Variants in WNT3 observed in about 807,000 individuals in gnomAD.
WNT3 encodes the protein proto-oncogene Wnt-3.
Under a neutral mutation model 34.2 loss-of-function variants are expected in WNT3, and 7 were observed. The observed-to-expected ratio is 0.20, with a 90% confidence interval of 0.12 to 0.38. The LOEUF (loss-of-function observed/expected upper bound fraction) is 0.38. WNT3 is among the 10% of genes least tolerant of loss of function. The pLI is 1.00. For synonymous variants in WNT3, 212 were observed against 211.5 expected, an observed-to-expected ratio of 1.00 and a Z score of -0.02; for missense variants, 267 against 499.8, an observed-to-expected ratio of 0.53 and a Z score of 4.44.
intron 1 of WNT3, among the ~76,000 whole-genome samples, chr17:46,790,825 A>G (rs1188487407): frequency 6.6e-6 from 1 of 152,232 alleles, no homozygotes; most frequent in East Asian, 1.9e-4. Context: ...GAGGCCGGCT[A>G]CTGCGCTCGC....
At position 46,768,068 on chromosome 17, in the gene WNT3, G is replaced by A. The variant is rs1005137795; in HGVS notation, c.*8+244C>T. ...CTCCCAAAGTGCTGGGATTACAGGCGTGAGCCACCGCACCCGGCCAACACT... is the reference window on the plus strand; with the variant it reads ...CTCCCAAAGTGCTGGGATTACAGGCATGAGCCACCGCACCCGGCCAACACT... On this transcript the variant is annotated intron_variant, in intron 4 of 4. Transcript: ENST00000225512. The surrounding 1 kb of genome is among the most constrained non-coding windows in gnomAD (Gnocchi z 5.0). Among the ~76,000 whole-genome samples, 5 of 152,196 alleles carry A rather than the reference G, an allele frequency of 3.3e-5. No individual in the cohort carries two copies. Among genetic ancestry groups the A allele is most frequent in the African/African-American group, 7.2e-5 (3 of 41,462 alleles).
intron 1 of WNT3, among the ~76,000 whole-genome samples, chr17:46,780,912 C>T (rs114117782): frequency 0.011 from 1,691 of 152,146 alleles, 45 homozygotes; most frequent in African/African-American, 0.035. Flanking sequence ...AACAGGTGGC[C>T]CATACATACA....
At chr17:46,817,021 G>A (rs1164687872) in intron 1 of WNT3, among the ~76,000 whole-genome samples, 3 of 152,128 alleles carry the variant, frequency 2.0e-5, no homozygotes, top group Admixed American at 1.3e-4. Flanking sequence ...CCAGCCCCCC[G>A]GAAAAGTGTG....
intron 2 of WNT3, among the ~76,000 whole-genome samples, chr17:46,770,624 C>G (rs1475659291): frequency 2.0e-5 from 3 of 152,200 alleles, no homozygotes; most frequent in Admixed American, 2.0e-4. Context: ...GCTCCTAGAG[C>G]CCCTCACCAG....
chr17:46,770,077 T>A (rs1209828965), intron 2 of WNT3, 29 bp from the exon 3 acceptor site: 2 of 1,520,648 alleles, frequency 1.3e-6, no homozygotes, highest in South Asian at 2.5e-5. Context: ...GAGGCAGCAC[T>A]CAGGACCCGG....
chr17:46,784,486 C>T (rs761095495), intron 1 of WNT3, among the ~76,000 whole-genome samples: 2 of 151,810 alleles, frequency 1.3e-5, no homozygotes, highest in Admixed American at 6.6e-5. Flanking sequence ...CTGAGCGTCA[C>T]GGTGGGAGCA....
chr17:46,793,355 C>G (rs931532992), intron 1 of WNT3, among the ~76,000 whole-genome samples: 1 of 147,950 alleles, frequency 6.8e-6, no homozygotes, highest in Non-Finnish European at 1.5e-5. Flanking sequence ...TCATGGAAGG[C>G]TAAGGAGAAA....
chr17:46,766,770 A>C (rs1419108681), intron 4 of WNT3, among the ~76,000 whole-genome samples: 1 of 152,120 alleles, frequency 6.6e-6, no homozygotes, highest in African/African-American at 2.4e-5. Context: ...CCAGTAGCTC[A>C]GAGGTGCCCT....
At chr17:46,805,595 A>T (rs1303183284) in intron 1 of WNT3, among the ~76,000 whole-genome samples, 1 of 152,118 alleles carries the variant, frequency 6.6e-6, no homozygotes, top group African/African-American at 2.4e-5. Context: ...AAAAATAAAA[A>T]TTAAAAAAAT....
Position 46,796,919 on chromosome 17 carries a change from ACT to A in WNT3, c.80+21597_80+21598del, listed in dbSNP as rs557752013. 2.6e-4 allele frequency among the ~76,000 whole-genome samples: 39 copies of A among 152,260 alleles called. 2 individuals carry two copies. The highest frequency in any genetic ancestry group is 2.3e-3 in the Admixed American group (35 of 15,284). ...GGATGATTACAACAGAAGTCAGAGGACTCTCAGCTTGGTTACCGAGGAAAATA... is the reference window on the plus strand; with the variant it reads ...GGATGATTACAACAGAAGTCAGAGGACTCAGCTTGGTTACCGAGGAAAATA... On this transcript the variant is annotated intron_variant, in intron 1 of 4. Coordinates refer to ENST00000225512, the MANE Select transcript of WNT3 (RefSeq NM_030753.5).
At chr17:46,777,090 A>T (rs1307400303) in intron 1 of WNT3, among the ~76,000 whole-genome samples, 1 of 152,192 alleles carries the variant, frequency 6.6e-6, no homozygotes, top group Non-Finnish European at 1.5e-5. Context: ...CACGCCTGTA[A>T]TCCCAGCTAC....
chr17:46,770,768 G>A (rs1204959866), intron 2 of WNT3, among the ~76,000 whole-genome samples: 1 of 152,202 alleles, frequency 6.6e-6, no homozygotes, highest in Non-Finnish European at 1.5e-5. Flanking sequence ...CCAGCGCAGG[G>A]AAAGGAGAGA....
At chr17:46,771,246 C>T (rs2059365932) in intron 2 of WNT3, among the ~76,000 whole-genome samples, 1 of 152,110 alleles carries the variant, frequency 6.6e-6, no homozygotes, top group African/African-American at 2.4e-5. Flanking sequence ...GCTGCCAGGG[C>T]CGACCGAGGA....
At chr17:46,798,337 G>T (rs1233336237) in intron 1 of WNT3, among the ~76,000 whole-genome samples, 1 of 152,180 alleles carries the variant, frequency 6.6e-6, no homozygotes, top group Admixed American at 6.5e-5. Flanking sequence ...TGGACACGAC[G>T]GCCTAGTCAC....
intron 2 of WNT3, among the ~76,000 whole-genome samples, chr17:46,773,389 C>T (rs200155506): frequency 1.3e-5 from 2 of 152,152 alleles, no homozygotes; most frequent in East Asian, 1.9e-4. Flanking sequence ...CACAAATGTC[C>T]ACAGCAGGAG....
At chr17:46,767,779 TTTTG>T (rs200353370) in intron 4 of WNT3, among the ~76,000 whole-genome samples, 103 of 152,158 alleles carry the variant, frequency 6.8e-4, no homozygotes, top group Middle Eastern at 3.4e-3. Flanking sequence ...TTTTGTTTTT[TTTTG>T]TTTGTTTGTT....
At chr17:46,808,604 A>T (rs1427842115) in intron 1 of WNT3, among the ~76,000 whole-genome samples, 1 of 152,216 alleles carries the variant, frequency 6.6e-6, no homozygotes, top group Non-Finnish European at 1.5e-5. Flanking sequence ...AGATTCAGAT[A>T]AATCATGATG....
At chr17:46,777,678 T>C (rs1390789871) in intron 1 of WNT3, among the ~76,000 whole-genome samples, 1 of 152,218 alleles carries the variant, frequency 6.6e-6, no homozygotes. Context: ...ATACATAATC[T>C]CACTGAATCC....
At chr17:46,796,013 G>A (rs1045390196) in intron 1 of WNT3, among the ~76,000 whole-genome samples, 36 of 152,202 alleles carry the variant, frequency 2.4e-4, no homozygotes, top group African/African-American at 7.7e-4. Context: ...TCAGGTTGTC[G>A]GCAGGGTAAT....
Sources: gnomAD v4.1 joint callset for allele counts (sites outside exome capture counted in the v4.1 genomes callset) on GRCh38, gnomAD v4.1.1 for gene constraint, Gnocchi (gnomAD v3.1) non-coding constraint, MANE v1.5 for transcripts, NCBI Gene and HGNC (gene_info 2026-07-23, HGNC 2026-07-21) for gene names.